Variants in CEP250 observed in about 807,000 individuals in gnomAD.
The protein encoded by CEP250 is centrosome-associated protein CEP250.
CEP250 carries 242 observed loss-of-function variants against 315.7 expected under a neutral mutation model. The observed-to-expected ratio is 0.77, with a 90% CI of 0.69 to 0.85. The LOEUF is 0.85. Among genes scored for constraint, CEP250 ranks in the 40% least tolerant of loss-of-function variants. The pLI, the probability that CEP250 is intolerant of heterozygous loss-of-function variation, is 0.00. For synonymous variants in CEP250, 1,088 were observed against 1,175.0 expected (o/e 0.93, Z 1.51); for missense variants, 2,515 against 2,886.4 (o/e 0.87, Z 2.95).
chr20:35,502,299 A>G, intron 29 of CEP250, 91 bp from the exon 30 acceptor site: 1 of 1,070,986 alleles, frequency 9.3e-7, no homozygotes, highest in Non-Finnish European at 1.3e-6. Flanking sequence ...TATCACTGCT[A>G]GTGCCACAAA....
At chr20:35,475,906 C>T (rs1452633533) in intron 15 of CEP250, among the ~76,000 whole-genome samples, 1 of 152,192 alleles carries the variant, frequency 6.6e-6, no homozygotes, top group Admixed American at 6.6e-5. Context: ...AGCTTTTTGT[C>T]ATGTGCCTCA....
chr20:35,485,909 A>C, intron 20 of CEP250, among the ~76,000 whole-genome samples: 1 of 142,654 alleles, frequency 7.0e-6, no homozygotes. Flanking sequence ...TAATCTGCCC[A>C]CCTTGGCCTC....
chr20:35,475,276 T>C (rs903343611), intron 14 of CEP250, among the ~76,000 whole-genome samples: 5 of 152,240 alleles, frequency 3.3e-5, no homozygotes, highest in Non-Finnish European at 7.3e-5. Context: ...AATACGGGCA[T>C]ATATTCTTTC....
chr20:35,497,930 G>A lies in CEP250; in HGVS notation c.3518G>A (p.Gly1173Glu). 6.2e-7 allele frequency: 1 copy of A among 1,611,616 alleles called. No individual in the cohort carries two copies. The highest frequency in any genetic ancestry group is 8.5e-7 in the Non-Finnish European group (1 of 1,179,014). The change falls in exon 26 of 35, where the codon GGG becomes GAG. Residue 1173 changes from glycine (G) to glutamate (E), a missense_variant. Transcript: ENST00000397527. ...GCGCTGGCCGCAGAGCAGCAGCCCG[G>A]GAACCAGGCCCAGGCCCAGGCCCAG... Reference protein sequence around the residue: ...LEALAAEQQPGNQAQAQAQLA... With the variant: ...LEALAAEQQPENQAQAQAQLA...
intron 14 of CEP250, among the ~76,000 whole-genome samples, chr20:35,474,284 T>C (rs1450912727): frequency 6.6e-6 from 1 of 152,072 alleles, no homozygotes; most frequent in Non-Finnish European, 1.5e-5. Context: ...GATACAGAAA[T>C]GAATAAGACA....
intron 20 of CEP250, among the ~76,000 whole-genome samples, chr20:35,488,485 G>T (rs1395098412): frequency 6.6e-6 from 1 of 151,884 alleles, no homozygotes; most frequent in Non-Finnish European, 1.5e-5. Context: ...ACAGGGTCTT[G>T]CTCTGTTGCC....
chr20:35,480,331 C>A (rs1393976928), intron 20 of CEP250, among the ~76,000 whole-genome samples, 186 bp downstream of exon 20: 2 of 152,050 alleles, frequency 1.3e-5, no homozygotes, highest in Non-Finnish European at 2.9e-5. Flanking sequence ...GTGGTGGGCT[C>A]CCTATATGTG....
In CEP250 at chr20:35,515,318, G is replaced by A. The variant is rs546407525; in HGVS notation, c.*3692G>A. On this transcript the variant is annotated 3_prime_UTR_variant, in exon 35 of 35. Coordinates refer to ENST00000397527, the MANE Select transcript of CEP250 (RefSeq NM_007186.6). ...AGGATGCAGCCCAGAGCCCAGGACC[G>A]AGCATCCACCGGCCTCTGGAGATGG... 3.9e-5 allele frequency: 6 copies of A among 152,380 alleles called. No homozygotes were observed. In the East Asian group the frequency reaches 5.8e-4, roughly 15 times the overall value. The allele number at this position is 152,380 out of a possible 1,614,324, so 9.4% of individuals were successfully genotyped here. A position where few individuals can be genotyped will look rare whatever the true frequency, so the allele number is the denominator to read the frequency against.
intron 20 of CEP250, among the ~76,000 whole-genome samples, chr20:35,480,367 T>A (rs985610146): frequency 6.6e-6 from 1 of 152,122 alleles, no homozygotes; most frequent in African/African-American, 2.4e-5. Context: ...GTTGTTGTGT[T>A]GGTGTGTACA....
rs1456490627 is a variant in CEP250 at position 35,507,746 on chromosome 20, G to A, written c.6645G>A (p.Leu2215=). ...DSEQQRLQDE[L]ELTRRALEKE... ...ATACCTCCGTACCCTAGGATGAACT[G>A]GAGCTCACCAGACGGGCTCTGGAGA... Residue 2215 remains leucine (L), a synonymous_variant, in exon 31 of 35, where the codon CTG becomes CTA. Coordinates refer to ENST00000397527, the MANE Select transcript of CEP250 (RefSeq NM_007186.6). 2.6e-6 allele frequency: 4 copies of A among 1,553,508 alleles called. No homozygotes were observed. The highest frequency in any genetic ancestry group is 2.6e-6 in the Non-Finnish European group (3 of 1,147,874).
rs1191128360 is a variant in CEP250 at position 35,462,422 on chromosome 20, G to A, written c.55G>A (p.Val19Ile). The change falls in exon 4 of 35, where the codon GTA becomes ATA. Residue 19 changes from valine to isoleucine, a missense_variant. By Grantham distance (29) the Val-to-Ile change is conservative. Coordinates refer to ENST00000397527, the MANE Select transcript of CEP250 (RefSeq NM_007186.6). ...CATGAAGCCCCAGTCACTGCAGCTG[G>A]TACTGGAAGAGCAGGTGCTGGCACT... ...NNMKPQSLQL[V>I]LEEQVLALQQ... The A allele has an allele frequency of 1.2e-6, 2 of 1,601,938 alleles. No individual in the cohort carries two copies. Among genetic ancestry groups the A allele is most frequent in the Non-Finnish European group, 1.7e-6 (2 of 1,174,056 alleles).
In CEP250 at chr20:35,516,623, T is replaced by C. The variant is rs1482313346; in HGVS notation, c.*4997T>C. 1 of 152,200 alleles carries C rather than the reference T, an allele frequency of 6.6e-6. No individual in the cohort carries two copies. The highest frequency in any genetic ancestry group is 1.5e-5 in the Non-Finnish European group (1 of 68,054). 9.4% of individuals were successfully genotyped at this position (152,200 alleles called of 1,614,324 possible). A position where few individuals can be genotyped will look rare whatever the true frequency, so the allele number is the denominator to read the frequency against. On this transcript the variant is annotated 3_prime_UTR_variant, in exon 35 of 35. Transcript: ENST00000397527. ...ATTCAGTCATTTGGCAAATACTCAT[T>C]TAAACAAAGCTCCACAGGGATCTCT...
rs2147251692 is a variant in CEP250 at position 35,513,396 on chromosome 20, T to A, written c.*1770T>A. 6.6e-6 allele frequency: 1 copy of A among 152,268 alleles called. No homozygotes were observed. The highest frequency in any genetic ancestry group is 2.1e-4 in the South Asian group (1 of 4,804). 9.4% of individuals were successfully genotyped at this position (152,268 alleles called of 1,614,324 possible). On this transcript the variant is annotated 3_prime_UTR_variant, in exon 35 of 35. Transcript: ENST00000397527. ...GCCTCGGCCTCCTGTGTATCTGGGA[T>A]TATAGACACGTGCCACCATGCCCGG...
chr20:35,473,254 T>C, intron 12 of CEP250, 120 bp from the exon 13 acceptor site: 1 of 773,538 alleles, frequency 1.3e-6, no homozygotes, highest in Non-Finnish European at 2.1e-6. Flanking sequence ...TGCATCTCCC[T>C]TCTCAGCTTT....
chr20:35,475,782 T>C, intron 15 of CEP250, 136 bp downstream of exon 15: 1 of 903,186 alleles, frequency 1.1e-6, no homozygotes, highest in Non-Finnish European at 1.7e-6. Context: ...GGGTTCTCTA[T>C]TCCAACATAC....
In CEP250 at chr20:35,479,361, A is replaced by G. The variant is rs1399370507; in HGVS notation, c.2225A>G (p.Glu742Gly). 1 of 1,614,190 alleles carries G rather than the reference A, an allele frequency of 6.2e-7. No homozygotes were observed. The highest frequency in any genetic ancestry group is 1.1e-5 in the South Asian group (1 of 91,084). ...CTAGTACGAGAGAAAGCGGCTCTAG[A>G]GGTGCGGCTGCAGGCCGTGGAGCGT... ...EALVREKAAL[E>G]VRLQAVERDR... Residue 742 changes from glutamate to glycine, a missense_variant, in exon 18 of 35, where the codon GAG (glutamate) becomes GGG (glycine). Physicochemically the swap from Glu to Gly is moderately conservative, Grantham distance 98 (BLOSUM62 -2). Transcript: ENST00000397527.
chr20:35,493,085 C>T (rs1017236012), intron 22 of CEP250, among the ~76,000 whole-genome samples: 5 of 151,804 alleles, frequency 3.3e-5, no homozygotes, highest in Non-Finnish European at 7.4e-5. Flanking sequence ...TATACGTATA[C>T]ATATGTATAT....
At chr20:35,489,764 C>A (rs1019438084) in intron 20 of CEP250, among the ~76,000 whole-genome samples, 1 of 152,184 alleles carries the variant, frequency 6.6e-6, no homozygotes, top group Non-Finnish European at 1.5e-5. Flanking sequence ...CTGGGCCAGG[C>A]CTGATTCTTC....
chr20:35,473,305 C>T lies in CEP250; in HGVS notation c.1210-69C>T, dbSNP rs565361508. 8.3e-5 allele frequency: 118 copies of T among 1,425,100 alleles called. 1 individual carries two copies. The African/African-American group carries it at 1.3e-3, about 16-fold the overall frequency. The allele number at this position is 1,425,100 out of a possible 1,614,324, so 88.3% of individuals were successfully genotyped here. A position where few individuals can be genotyped will look rare whatever the true frequency, so the allele number is the denominator to read the frequency against. On this transcript the variant is annotated intron_variant, in intron 12 of 34. Coordinates refer to ENST00000397527, the MANE Select transcript of CEP250 (RefSeq NM_007186.6). ...CCCCCGACCCCCTTCTCCAGCCCCACTTTCGGGGTTCTGACATCCCTCCTT... is the reference window on the plus strand; with the variant it reads ...CCCCCGACCCCCTTCTCCAGCCCCATTTTCGGGGTTCTGACATCCCTCCTT...
Sources: gnomAD v4.1 joint callset for allele counts (sites outside exome capture counted in the v4.1 genomes callset) on GRCh38, gnomAD v4.1.1 for gene constraint, MANE v1.5 for transcripts, NCBI Gene and HGNC (gene_info 2026-07-23, HGNC 2026-07-21) for gene names.